GMDS: variants seen among roughly 807,000 people sequenced by gnomAD.
The protein encoded by GMDS is GDP-mannose 4,6-dehydratase.
In GMDS, 20 loss-of-function variants were observed where a neutral mutation model predicts 49.9. The ratio of observed to expected loss-of-function variants is 0.40; its 90% confidence interval spans 0.28 to 0.58. The LOEUF (loss-of-function observed/expected upper bound fraction) is 0.58. Among genes scored for constraint, GMDS ranks in the 20% least tolerant of loss-of-function variants. The pLI is 0.42. For missense variants in GMDS, 362 were observed against 481.4 expected, an observed-to-expected ratio of 0.75 and a Z score of 2.32; for synonymous variants, 177 against 178.6, an observed-to-expected ratio of 0.99 and a Z score of 0.07.
chr6:1,969,287 A>AG (rs1171593791), intron 4 of GMDS, among the ~76,000 whole-genome samples: 10 of 147,686 alleles, frequency 6.8e-5, no homozygotes, highest in African/African-American at 2.5e-4. Context: ...AAAAAAAAAA[A>AG]AAAGAGAAAG....
intron 4 of GMDS, among the ~76,000 whole-genome samples, chr6:1,984,760 G>A (rs991126551): frequency 2.0e-5 from 3 of 152,184 alleles, no homozygotes; most frequent in Non-Finnish European, 4.4e-5. Context: ...TTCGGGTGAA[G>A]TTCAACAGCT....
rs3800048 is a variant in GMDS at position 1,767,166 on chromosome 6, T to C, written c.772-24580A>G. Among the ~76,000 whole-genome samples, 208 of 152,324 alleles carry C rather than the reference T, an allele frequency of 1.4e-3. 1 individual carries two copies. In the East Asian group the frequency reaches 0.036, roughly 27 times the overall value. On this transcript the variant is annotated intron_variant, in intron 7 of 10. Transcript: ENST00000380815. ...CGAAATGTAAACCACAAAGGGAATA[T>C]GATTTTAAAACCGGAAACATATTTT...
chr6:1,947,533 G>A (rs116744645), intron 6 of GMDS, among the ~76,000 whole-genome samples: 1,594 of 152,252 alleles, frequency 0.01, 29 homozygotes, highest in African/African-American at 0.037. Flanking sequence ...CTCTGTGACC[G>A]CACTGATGTT....
At chr6:1,908,050 T>A (rs1396592380) in intron 7 of GMDS, among the ~76,000 whole-genome samples, 1 of 152,184 alleles carries the variant, frequency 6.6e-6, no homozygotes, top group Non-Finnish European at 1.5e-5. Flanking sequence ...CATGGGGCCA[T>A]TATTAGGTAA....
In GMDS at chr6:1,976,189, G is replaced by C. The variant is rs549702213; in HGVS notation, c.346-15223C>G. Reference sequence around the variant, plus strand: ...ATGAGTCCAGAAGACCTGAATGAGGGTATACTCTTTGTTTAAGTCTGATTA... The same window carrying C: ...ATGAGTCCAGAAGACCTGAATGAGGCTATACTCTTTGTTTAAGTCTGATTA... On this transcript the variant is annotated intron_variant, in intron 4 of 10. Transcript: ENST00000380815. Among the ~76,000 whole-genome samples the C allele has an allele frequency of 3.8e-5, 5 of 131,886 alleles. No homozygotes were observed. The South Asian group carries it at 1.1e-3, about 28-fold the overall frequency. 86.5% of individuals were successfully genotyped at this position (131,886 alleles called of 152,430 possible). A position where few individuals can be genotyped will look rare whatever the true frequency, so the allele number is the denominator to read the frequency against.
chr6:2,024,883 AAATATT>A (rs74274812), intron 4 of GMDS, among the ~76,000 whole-genome samples: 21,159 of 151,950 alleles, frequency 0.14, 1,980 homozygotes, highest in Non-Finnish European at 0.21. Context: ...AATTAATTGA[AAATATT>A]AGTAGAAAAA....
At chr6:2,189,962 GGGTAACTCGT>G (rs1203642029) in intron 1 of GMDS, among the ~76,000 whole-genome samples, 11 of 152,146 alleles carry the variant, frequency 7.2e-5, no homozygotes, top group African/African-American at 2.7e-4. Flanking sequence ...TGAGATTATG[GGGTAACTCGT>G]GGTATCAAAT....
At chr6:1,841,143 G>A (rs1198469375) in intron 7 of GMDS, among the ~76,000 whole-genome samples, 1 of 152,150 alleles carries the variant, frequency 6.6e-6, no homozygotes, top group East Asian at 1.9e-4. Flanking sequence ...AAGATCCTAT[G>A]TAGTAAAAGA....
intron 9 of GMDS, among the ~76,000 whole-genome samples, chr6:1,641,011 T>TC (rs1763314348): frequency 6.6e-6 from 1 of 152,158 alleles, no homozygotes; most frequent in Admixed American, 6.5e-5. Flanking sequence ...TGGCGTTGGC[T>TC]CCACAGCTGT....
At chr6:1,693,828 G>A (rs866885645) in intron 9 of GMDS, among the ~76,000 whole-genome samples, 26 of 152,142 alleles carry the variant, frequency 1.7e-4, no homozygotes, top group Admixed American at 1.6e-3. Context: ...TACTGAGCAC[G>A]TGCTATGTAC....
At chr6:1,768,150 G>C (rs555836979) in intron 7 of GMDS, among the ~76,000 whole-genome samples, 1 of 152,168 alleles carries the variant, frequency 6.6e-6, no homozygotes, top group South Asian at 2.1e-4. Context: ...TTTAAATCAG[G>C]AAACAGGAAA....
intron 7 of GMDS, among the ~76,000 whole-genome samples, chr6:1,873,004 CCGCTGAAAT>C (rs1260827063): frequency 6.6e-6 from 1 of 152,206 alleles, no homozygotes; most frequent in Non-Finnish European, 1.5e-5. Flanking sequence ...TTTCTGGGAA[CCGCTGAAAT>C]CCCCACTCTT....
chr6:1,644,991 A>C (rs998956224), intron 9 of GMDS, among the ~76,000 whole-genome samples: 1 of 145,296 alleles, frequency 6.9e-6, no homozygotes, highest in Non-Finnish European at 1.5e-5. Flanking sequence ...CCTGGAGTGC[A>C]GTGGCGTGAT....
At chr6:2,206,118 C>T (rs372614424) in intron 1 of GMDS, among the ~76,000 whole-genome samples, 344 of 152,114 alleles carry the variant, frequency 2.3e-3, no homozygotes, top group African/African-American at 7.2e-3. Flanking sequence ...ATTAGCCGGG[C>T]GTGGTGGCAC....
At chr6:1,655,521 A>ACACACAC (rs1561703883) in intron 9 of GMDS, among the ~76,000 whole-genome samples, 1 of 144,532 alleles carries the variant, frequency 6.9e-6, no homozygotes, top group Non-Finnish European at 1.5e-5. Flanking sequence ...ACACACACAT[A>ACACACAC]TTTTTTTTTT....
rs189220922 is a variant in GMDS, at chr6:2,206,672, C to T, written c.102+38649G>A. ...TAAACTTTAGGCTGCATCCAAGTCA[C>T]TCATTCAGACTGCTGGGCCCCACCC... On this transcript the variant is annotated intron_variant, in intron 1 of 10. Transcript: ENST00000380815. 2.8e-3 allele frequency among the ~76,000 whole-genome samples: 425 copies of T among 152,334 alleles called. 3 individuals carry two copies. The highest frequency in any genetic ancestry group is 9.6e-3 in the African/African-American group (399 of 41,572).
At chr6:1,951,722 T>C (rs1763351484) in intron 6 of GMDS, among the ~76,000 whole-genome samples, 1 of 152,224 alleles carries the variant, frequency 6.6e-6, no homozygotes, top group African/African-American at 2.4e-5. Context: ...TTATATTAGT[T>C]CTTCCTATTA....
intron 9 of GMDS, among the ~76,000 whole-genome samples, chr6:1,638,842 A>G (rs1156812396): frequency 1.3e-5 from 2 of 152,186 alleles, no homozygotes; most frequent in Non-Finnish European, 2.9e-5. Flanking sequence ...CCATGTTTTC[A>G]GGTCAATGGG....
chr6:1,910,195 T>C (rs1257720732), intron 7 of GMDS, among the ~76,000 whole-genome samples: 1 of 151,782 alleles, frequency 6.6e-6, no homozygotes, highest in Non-Finnish European at 1.5e-5. Context: ...ATGGCATGCA[T>C]GTATAGCTTG....
Sources: gnomAD v4.1 joint callset for allele counts (sites outside exome capture counted in the v4.1 genomes callset) on GRCh38, gnomAD v4.1.1 for gene constraint, MANE v1.5 for transcripts, NCBI Gene and HGNC (gene_info 2026-07-23, HGNC 2026-07-21) for gene names.